Variants in CSF2RA observed in about 807,000 individuals in gnomAD.
CSF2RA encodes the protein colony stimulating factor 2 receptor subunit alpha.
In CSF2RA, 42 loss-of-function variants were observed where a neutral mutation model predicts 51.6. The ratio of observed to expected loss-of-function variants is 0.81; its 90% CI spans 0.64 to 1.05. The LOEUF (loss-of-function observed/expected upper bound fraction) is 1.05, where lower values mean the gene tolerates loss of function less well. CSF2RA is among the 50% of genes least tolerant of loss of function. The pLI is 0.00. For synonymous variants in CSF2RA, 222 were observed against 193.0 expected (o/e 1.15, Z -1.24); for missense variants, 530 against 501.1 (o/e 1.06, Z -0.55).
chrX:1,281,376 C>T (rs1209275287), intron 2 of CSF2RA, among the ~76,000 whole-genome samples: 1 of 136,280 alleles, frequency 7.3e-6, no homozygotes, highest in Non-Finnish European at 1.6e-5. Flanking sequence ...CCTCCTTCTC[C>T]TCCTCCTCCC....
At chrX:1,311,658 C>T (rs1199077619), downstream of CSF2RA, among the ~76,000 whole-genome samples, 1 of 151,422 alleles carries the variant, frequency 6.6e-6, no homozygotes, top group Non-Finnish European at 1.5e-5. Context: ...GTTGGTCAGG[C>T]TGGTCTCCAT....
chrX:1,286,477 G>C (rs1399424187), intron 4 of CSF2RA, among the ~76,000 whole-genome samples: 3 of 39,340 alleles, frequency 7.6e-5, no homozygotes, highest in African/African-American at 2.3e-4. Context: ...GCTGAGGCAG[G>C]AGAATTACTG....
At chrX:1,272,432 G>A (rs747090481) in intron 1 of CSF2RA, among the ~76,000 whole-genome samples, 1 of 151,120 alleles carries the variant, frequency 6.6e-6, no homozygotes, top group South Asian at 2.1e-4. Flanking sequence ...CTATTGAGGA[G>A]CAATATATAA....
chrX:1,269,454 C>G (rs1201372313), intron 1 of CSF2RA, among the ~76,000 whole-genome samples: 3 of 151,650 alleles, frequency 2.0e-5, no homozygotes, highest in African/African-American at 7.3e-5. Flanking sequence ...AACCCCGTCT[C>G]TACTAAAAAT....
At chrX:1,318,848 C>G in the CSF2RA span, among the ~76,000 whole-genome samples, 1 of 146,378 alleles carries the variant, frequency 6.8e-6, no homozygotes, top group Admixed American at 6.9e-5. Flanking sequence ...ACCCGGGAGG[C>G]GGAGCTTGCA....
At chrX:1,296,230 T>G (rs2091938727) in intron 9 of CSF2RA, among the ~76,000 whole-genome samples, 1 of 150,594 alleles carries the variant, frequency 6.6e-6, no homozygotes, top group South Asian at 2.1e-4. Flanking sequence ...GGCGGAACCC[T>G]ACACTCCCCT....
In CSF2RA at chrX:1,299,854, G is replaced by C. The variant is rs1431143273; in HGVS notation, c.811-637G>C. 5.3e-5 allele frequency among the ~76,000 whole-genome samples: 8 copies of C among 152,006 alleles called. No individual in the cohort carries two copies. In the East Asian group the frequency reaches 1.5e-3, roughly 29 times the overall value. On this transcript the variant is annotated intron_variant, in intron 9 of 12. Transcript: ENST00000381529. ...AATGGCGTGAACCCGGGAAGCGGAG[G>C]TTGCGGTGAGCCCAGATCATGCCAT...
In CSF2RA at chrX:1,288,747, A is replaced by T; in HGVS notation, c.344-12A>T. 1 of 1,613,540 alleles carries T rather than the reference A, an allele frequency of 6.2e-7. No homozygotes were observed. The highest frequency in any genetic ancestry group is 8.5e-7 in the Non-Finnish European group (1 of 1,179,750). ...TCGGAGTGAAAATTATTTTGTTTCTACCTCTTCCCAGGAAGGGAGGGTACC... is the reference window on the plus strand; with the variant it reads ...TCGGAGTGAAAATTATTTTGTTTCTTCCTCTTCCCAGGAAGGGAGGGTACC... On this transcript the variant is annotated splice_polypyrimidine_tract_variant and intron_variant, in intron 5 of 12. Transcript: ENST00000381529.
At chrX:1,305,784 G>A in intron 12 of CSF2RA, 1 of 1,550,968 alleles carries the variant, frequency 6.4e-7, no homozygotes, top group South Asian at 1.2e-5. Context: ...AAAAGGAGGA[G>A]AAGACGGTAG....
At chrX:1,294,037 GAAGACTGCACCACCTCCACCT>G in intron 7 of CSF2RA, 1 of 198,790 alleles carries the variant, frequency 5.0e-6, no homozygotes, top group Non-Finnish European at 9.1e-6. Flanking sequence ...GTAGACAGGA[GAAGACTGCACCACCTCCACCT>G]GGACCGAGTG....
chrX:1,279,234 C>T (rs775614248), intron 2 of CSF2RA, among the ~76,000 whole-genome samples: 1 of 150,752 alleles, frequency 6.6e-6, no homozygotes, highest in South Asian at 2.1e-4. Context: ...GCCTGTAGTC[C>T]CAGCTACTCG....
chrX:1,295,301 G>C, intron 8 of CSF2RA, 126 bp from the exon 9 acceptor site: 1 of 1,203,264 alleles, frequency 8.3e-7, no homozygotes, highest in Non-Finnish European at 1.2e-6. Flanking sequence ...AGGGAGACCT[G>C]CCTGCCACTC....
downstream of CSF2RA, among the ~76,000 whole-genome samples, chrX:1,314,357 C>G (rs112626186): frequency 0.083 from 3,526 of 42,628 alleles, 3 homozygotes; most frequent in East Asian, 0.11. Context: ...CTGCCCAACC[C>G]CACTGCATCT....
chrX:1,294,474 TC>T lies in CSF2RA; in HGVS notation c.780+17del. On this transcript the variant is annotated intron_variant, in intron 8 of 12. Transcript: ENST00000381529. ...CGTCCACAGAAAGGTCGGTGAGAGC[TC>T]CCCGGGGCTGGGCACCAGGAGGGAG... 1 of 1,607,916 alleles carries T rather than the reference TC, an allele frequency of 6.2e-7. No individual in the cohort carries two copies. The highest frequency in any genetic ancestry group is 8.5e-7 in the Non-Finnish European group (1 of 1,179,666).
At chrX:1,282,031 T>TAAA (rs1202643478) in intron 2 of CSF2RA, 7,306 of 61,034 alleles carry the variant, frequency 0.12, 1,432 homozygotes, top group African/African-American at 0.4. Flanking sequence ...CTGTTTCTAC[T>TAAA]AAAAAAAAAA....
chrX:1,276,282 C>A (rs2089182216), intron 2 of CSF2RA, among the ~76,000 whole-genome samples: 1 of 152,084 alleles, frequency 6.6e-6, no homozygotes, highest in South Asian at 2.1e-4. Flanking sequence ...GATCTGCCTG[C>A]CTCAGCCTCC....
At chrX:1,321,753 C>T in the CSF2RA span, among the ~76,000 whole-genome samples, 10 of 152,162 alleles carry the variant, frequency 6.6e-5, no homozygotes, top group Admixed American at 5.9e-4. Flanking sequence ...CCCGCTTCTT[C>T]AGCGTAGCTG....
At chrX:1,301,325 C>G (rs2092353603) in intron 10 of CSF2RA, among the ~76,000 whole-genome samples, 1 of 84,436 alleles carries the variant, frequency 1.2e-5, no homozygotes, top group African/African-American at 5.4e-5. Flanking sequence ...GAGTGAGACT[C>G]TGTCTCAAAA....
chrX:1,279,668 G>T (rs775526132), intron 2 of CSF2RA, among the ~76,000 whole-genome samples: 1 of 152,182 alleles, frequency 6.6e-6, no homozygotes, highest in Admixed American at 6.6e-5. Context: ...CTACAGATGA[G>T]TTGGGGGGCA....
Sources: gnomAD v4.1 joint callset for allele counts (sites outside exome capture counted in the v4.1 genomes callset) on GRCh38, gnomAD v4.1.1 for gene constraint, MANE v1.5 for transcripts, NCBI Gene and HGNC (gene_info 2026-07-23, HGNC 2026-07-21) for gene names.